Variants in CBL observed in about 807,000 individuals in gnomAD.
CBL encodes the protein Cbl proto-oncogene.
CBL carries 45 observed loss-of-function variants against 96.9 expected under a neutral mutation model. The observed-to-expected ratio is 0.46, with a 90% CI of 0.37 to 0.60. CBL has a LOEUF of 0.60. Among genes scored for constraint, CBL ranks in the 20% least tolerant of loss-of-function variants. The probability of loss-of-function intolerance (pLI) is 0.00; values close to 1 mark genes in which losing one functional copy is unlikely to be tolerated. For synonymous variants in CBL, 420 were observed against 426.8 expected (o/e 0.98, Z 0.20); for missense variants, 1,024 against 1,143.5 (o/e 0.90, Z 1.51).
At chr11:119,236,848 G>A (rs1949550531) in intron 2 of CBL, among the ~76,000 whole-genome samples, 1 of 152,042 alleles carries the variant, frequency 6.6e-6, no homozygotes, top group Non-Finnish European at 1.5e-5. Flanking sequence ...ACTTTTTCAT[G>A]TGCCTCTTGG....
At chr11:119,278,478 G>T (rs2135304295) in intron 8 of CBL, 32 bp from the exon 9 acceptor site, 1 of 1,573,670 alleles carries the variant, frequency 6.4e-7, no homozygotes, top group Non-Finnish European at 8.7e-7. Flanking sequence ...ATTTTCAGAT[G>T]CATCTGTTAC....
At chr11:119,285,146 A>G (rs1949971503) in intron 10 of CBL, 43 bp from the exon 11 acceptor site, 2 of 1,613,928 alleles carry the variant, frequency 1.2e-6, no homozygotes, top group Non-Finnish European at 1.7e-6. Context: ...TTTGCTGTGT[A>G]CTAGTGGGTT....
rs747073805 is a variant in CBL at position 119,298,496 on chromosome 11, G to C, written c.2390G>C (p.Ser797Thr). 2.5e-6 allele frequency: 4 copies of C among 1,614,084 alleles called. No homozygotes were observed. Among genetic ancestry groups the C allele is most frequent in the Admixed American group, 3.3e-5 (2 of 60,004 alleles). Residue 797 changes from serine to threonine, a missense_variant, in exon 15 of 16, where the codon AGC becomes ACC. Physicochemically the swap from Ser to Thr is moderately conservative, Grantham distance 58. Transcript: ENST00000264033. Reference protein sequence around the residue: ...RRTLSDISNASSSFGWLSLDG... With the variant: ...RRTLSDISNATSSFGWLSLDG... ...ACTCTCTCAGATATCTCTAATGCCA[G>C]CTCCTCCTTTGGCTGGTTGTCTCTG...
chr11:119,225,018 C>G (rs1191537005), intron 1 of CBL, among the ~76,000 whole-genome samples: 1 of 151,434 alleles, frequency 6.6e-6, no homozygotes, highest in African/African-American at 2.4e-5. Context: ...AGGTATTAGG[C>G]AAGTACTCCG....
Position 119,275,263 on chromosome 11 carries a change from AC to A in CBL, c.869+313del, listed in dbSNP as rs1216741206. Among the ~76,000 whole-genome samples, 10 of 151,994 alleles carry A rather than the reference AC, an allele frequency of 6.6e-5. 1 individual carries two copies. The highest frequency in any genetic ancestry group is 2.2e-4 in the African/African-American group (9 of 41,450). ...AGACCAGCCTGGCCAAAGTGGTAAA[AC>A]CCTGTCTCTACTAAAAATACAAAAA... On this transcript the variant is annotated intron_variant, in intron 5 of 15. Coordinates refer to ENST00000264033, the MANE Select transcript of CBL (RefSeq NM_005188.4).
chr11:119,236,626 C>G (rs1238071521), intron 2 of CBL, among the ~76,000 whole-genome samples: 1 of 133,114 alleles, frequency 7.5e-6, no homozygotes, highest in South Asian at 2.4e-4. Context: ...TATATATACC[C>G]ATAGGAGTGG....
At chr11:119,224,662 C>T (rs762049985) in intron 1 of CBL, among the ~76,000 whole-genome samples, 1 of 152,072 alleles carries the variant, frequency 6.6e-6, no homozygotes, top group African/African-American at 2.4e-5. Context: ...GTGACCTTGG[C>T]TCACTGCAAC....
Position 119,300,643 on chromosome 11 carries a change from T to G in CBL, c.*862T>G. On this transcript the variant is annotated 3_prime_UTR_variant, in exon 16 of 16. Transcript: ENST00000264033. ...TAGGAACATTGAAGCTATTAAGATGTTTTGATTATCCTAATTACATAATGA... is the reference window on the plus strand; with the variant it reads ...TAGGAACATTGAAGCTATTAAGATGGTTTGATTATCCTAATTACATAATGA... The G allele has an allele frequency of 2.5e-6, 1 of 398,910 alleles. No homozygotes were observed. Among genetic ancestry groups the G allele is most frequent in the Non-Finnish European group, 4.4e-6 (1 of 226,026 alleles). The allele number at this position is 398,910 out of a possible 1,614,324, so 24.7% of individuals were successfully genotyped here.
At chr11:119,212,753 G>T (rs1207420882) in intron 1 of CBL, among the ~76,000 whole-genome samples, 1 of 145,702 alleles carries the variant, frequency 6.9e-6, no homozygotes, top group African/African-American at 2.5e-5. Context: ...GCTCACGCCT[G>T]TAATCCCAGC....
At chr11:119,287,587 A>G (rs1239991934) in intron 11 of CBL, among the ~76,000 whole-genome samples, 5 of 151,420 alleles carry the variant, frequency 3.3e-5, no homozygotes, top group African/African-American at 1.2e-4. Context: ...TTGTGTAGAT[A>G]GCCAATTTAC....
chr11:119,225,685 C>A (rs1358201986), intron 1 of CBL, among the ~76,000 whole-genome samples: 1 of 150,224 alleles, frequency 6.7e-6, no homozygotes, highest in African/African-American at 2.5e-5. Flanking sequence ...TCTGGGATTA[C>A]AGATGTAAGA....
intron 12 of CBL, among the ~76,000 whole-genome samples, chr11:119,296,060 A>G (rs938617081): frequency 2.0e-5 from 3 of 152,144 alleles, no homozygotes; most frequent in African/African-American, 7.2e-5. Flanking sequence ...ATTAAAGGGG[A>G]CTTCTATGTT....
chr11:119,229,230 C>T (rs1949483088), intron 1 of CBL, among the ~76,000 whole-genome samples: 3 of 152,126 alleles, frequency 2.0e-5, no homozygotes, highest in Admixed American at 1.3e-4. Flanking sequence ...TGGAATGTAG[C>T]ACTTGTAAAC....
intron 1 of CBL, among the ~76,000 whole-genome samples, chr11:119,221,356 A>AGGT (rs1949409556): frequency 6.6e-6 from 1 of 152,116 alleles, no homozygotes; most frequent in South Asian, 2.1e-4. Context: ...GTTCAAGACC[A>AGGT]GTCTAGGCAA....
At chr11:119,235,185 C>T (rs989599818) in intron 2 of CBL, among the ~76,000 whole-genome samples, 4 of 151,864 alleles carry the variant, frequency 2.6e-5, no homozygotes, top group Non-Finnish European at 5.9e-5. Flanking sequence ...GTGATATTGG[C>T]TCACTGCAAA....
intron 1 of CBL, among the ~76,000 whole-genome samples, chr11:119,232,225 A>G (rs954015939): frequency 6.6e-6 from 1 of 152,184 alleles, no homozygotes; most frequent in African/African-American, 2.4e-5. Flanking sequence ...TATCTGTACC[A>G]TTAGTCTCTC....
intron 12 of CBL, 35 bp from the exon 13 acceptor site, chr11:119,296,883 A>C: frequency 1.9e-6 from 2 of 1,053,520 alleles, no homozygotes; most frequent in Non-Finnish European, 3.0e-6. Flanking sequence ...CTGGTTTGTT[A>C]CTTCTTTTTC....
At chr11:119,211,669 A>T (rs1949320174) in intron 1 of CBL, among the ~76,000 whole-genome samples, 1 of 151,774 alleles carries the variant, frequency 6.6e-6, no homozygotes, top group African/African-American at 2.4e-5. Context: ...ACACCCAGCT[A>T]ATTTTTGTAT....
At chr11:119,268,372 T>C (rs1949819340) in intron 2 of CBL, among the ~76,000 whole-genome samples, 1 of 152,140 alleles carries the variant, frequency 6.6e-6, no homozygotes. Context: ...TAGTCAGATA[T>C]GGAGAACAAG....
Sources: gnomAD v4.1 joint callset for allele counts (sites outside exome capture counted in the v4.1 genomes callset) on GRCh38, gnomAD v4.1.1 for gene constraint, MANE v1.5 for transcripts, NCBI Gene and HGNC (gene_info 2026-07-23, HGNC 2026-07-21) for gene names.